The following CYB5RL variants were observed in gnomAD, a reference collection of about 807,000 sequenced individuals.
The protein encoded by CYB5RL is NADH-cytochrome b5 reductase-like.
CYB5RL carries 38 observed loss-of-function variants against 37.5 expected under a neutral mutation model. The ratio of observed to expected loss-of-function variants is 1.01; its 90% CI spans 0.78 to 1.33. The LOEUF is 1.33. Ranked by LOEUF, CYB5RL falls within the 40% of genes most tolerant of loss-of-function variation. The pLI is 0.00. For synonymous variants in CYB5RL, 141 were observed against 151.9 expected (o/e 0.93, Z 0.53); for missense variants, 388 against 394.4 (o/e 0.98, Z 0.14).
rs71066906 is a variant in CYB5RL at position 54,194,004 on chromosome 1, CAATAAT to C, written c.198+1409_198+1414del. Among the ~76,000 whole-genome samples the C allele has an allele frequency of 6.8e-5, 10 of 146,714 alleles. No individual in the cohort carries two copies. The South Asian group carries it at 1.1e-3, about 16-fold the overall frequency. On this transcript the variant is annotated intron_variant, in intron 3 of 7. Coordinates refer to ENST00000534324, the MANE Select transcript of CYB5RL (RefSeq NM_001031672.4). ...AATAATAATAAGTGAGACTCTTCCT[CAATAAT>C]AATAATAATAATAATAATGATAATA...
rs939428390 is a variant in CYB5RL, at chr1:54,175,068, G to A, written c.745-246C>T. ...ACTTCCCTGTGGCACACAATGAGGC[G>A]GGGGCAGCAGCAGGACCAGAACTCA... On this transcript the variant is annotated intron_variant, in intron 7 of 7. Transcript: ENST00000534324. 2.6e-5 allele frequency among the ~76,000 whole-genome samples: 4 copies of A among 151,886 alleles called. No homozygotes were observed. The East Asian group carries it at 5.9e-4, about 22-fold the overall frequency.
intron 3 of CYB5RL, among the ~76,000 whole-genome samples, chr1:54,194,274 G>A (rs1209528795): frequency 6.6e-6 from 1 of 151,992 alleles, no homozygotes; most frequent in East Asian, 1.9e-4. Flanking sequence ...GAAGGCTGAG[G>A]CAGGAGAATC....
At position 54,200,024 on chromosome 1, in the gene CYB5RL, A is replaced by C. The variant is rs1416458047; in HGVS notation, c.-271T>G. On this transcript the variant is annotated 5_prime_UTR_variant, in exon 1 of 8. Coordinates refer to ENST00000534324, the MANE Select transcript of CYB5RL (RefSeq NM_001031672.4). ...CGTGAGGATTTTCCAGGTTCCTCCC[A>C]GTCTCTGGGTAGGCGGGGAGCGCTT... 10 of 554,260 alleles carry C rather than the reference A, an allele frequency of 1.8e-5. No individual in the cohort carries two copies. Among genetic ancestry groups the C allele is most frequent in the South Asian group, 5.1e-5 (2 of 39,226 alleles). 34.3% of individuals were successfully genotyped at this position (554,260 alleles called of 1,614,324 possible).
At chr1:54,183,489 G>T (rs190021904) in intron 6 of CYB5RL, among the ~76,000 whole-genome samples, 24 of 152,292 alleles carry the variant, frequency 1.6e-4, no homozygotes, top group African/African-American at 4.8e-4. Context: ...AGGATGATGA[G>T]GAGAAGAGCC....
chr1:54,199,070 A>AC (rs1414397028), intron 1 of CYB5RL, among the ~76,000 whole-genome samples: 1 of 152,122 alleles, frequency 6.6e-6, no homozygotes, highest in Non-Finnish European at 1.5e-5. Context: ...AAGAGGCACC[A>AC]CCTTTAATCC....
intron 6 of CYB5RL, chr1:54,180,051 A>G (rs766585540): frequency 6.4e-5 from 29 of 451,098 alleles, no homozygotes; most frequent in South Asian, 3.9e-4. Context: ...TTCGAGACCA[A>G]CGTGGCAAAA....
Position 54,195,443 on chromosome 1 carries a change from G to A in CYB5RL, c.174C>T (p.Ser58=), listed in dbSNP as rs751886900. Residue 58 remains serine, a synonymous_variant, in exon 3 of 8, where the codon AGC becomes AGT. Transcript: ENST00000534324. ...CCTGTGACTCTGGCCCACGCAGCAGGCTCCTGTCCTTGCTGGCTTGGGCTG... is the reference window on the plus strand; with the variant it reads ...CCTGTGACTCTGGCCCACGCAGCAGACTCCTGTCCTTGCTGGCTTGGGCTG... ...WEAAQASKDR[S]LLRGPESQSC... 5.0e-6 allele frequency: 8 copies of A among 1,606,392 alleles called. No homozygotes were observed. In the East Asian group the frequency reaches 1.8e-4, roughly 36 times the overall value.
chr1:54,190,978 C>A (rs4927066), intron 3 of CYB5RL, 82 bp from the exon 4 acceptor site: 12 of 1,512,284 alleles, frequency 7.9e-6, no homozygotes, highest in South Asian at 1.3e-5. Context: ...CCACTGTCCC[C>A]AAGGAGAGGC....
chr1:54,187,541 C>T, intron 5 of CYB5RL, 111 bp downstream of exon 5: 1 of 1,027,050 alleles, frequency 9.7e-7, no homozygotes, highest in African/African-American at 1.6e-5. Flanking sequence ...TTGCCTTTGT[C>T]CATGTTGTTC....
chr1:54,194,899 C>G (rs1480287260), intron 3 of CYB5RL, among the ~76,000 whole-genome samples: 4 of 152,180 alleles, frequency 2.6e-5, no homozygotes, highest in Non-Finnish European at 2.9e-5. Flanking sequence ...GTGAACCCTT[C>G]CAAACATTAC....
chr1:54,180,359 A>G, intron 6 of CYB5RL: 1 of 323,510 alleles, frequency 3.1e-6, no homozygotes, highest in Non-Finnish European at 6.0e-6. Context: ...TAATCCCAGC[A>G]CCTTGGGAAG....
chr1:54,199,723 G>A (rs1469722232), intron 1 of CYB5RL, among the ~76,000 whole-genome samples: 1 of 152,208 alleles, frequency 6.6e-6, no homozygotes, highest in Non-Finnish European at 1.5e-5. Flanking sequence ...TGTACAGTGA[G>A]CAGTCACGCT....
intron 5 of CYB5RL, chr1:54,184,760 C>A (rs1203722354): frequency 6.6e-6 from 1 of 152,466 alleles, no homozygotes; most frequent in Non-Finnish European, 1.5e-5. Context: ...GGCACGAAAT[C>A]CATATTTTTA....
intron 6 of CYB5RL, chr1:54,179,903 T>G (rs1206741933): frequency 4.4e-6 from 2 of 453,172 alleles, no homozygotes; most frequent in Non-Finnish European, 8.8e-6. Context: ...AATGAAATAA[T>G]ATGCATAAGC....
At chr1:54,198,056 A>AAAAAAAAAAAAAG (rs1348276688) in intron 1 of CYB5RL, among the ~76,000 whole-genome samples, 1 of 138,542 alleles carries the variant, frequency 7.2e-6, no homozygotes, top group Non-Finnish European at 1.5e-5. Flanking sequence ...AAAAAAAAAA[A>AAAAAAAAAAAAAG]GGGTGGTATC....
At chr1:54,190,240 T>G (rs767998006) in intron 4 of CYB5RL, among the ~76,000 whole-genome samples, 1 of 152,230 alleles carries the variant, frequency 6.6e-6, no homozygotes, top group Non-Finnish European at 1.5e-5. Context: ...GGAGCCAGGC[T>G]GTCTGGGTTT....
At position 54,171,601 on chromosome 1, in the gene CYB5RL, T is replaced by C. The variant is rs1489131115; in HGVS notation, c.*3018A>G. ...GCCTTCCTGAAGCTTGGGATGCATA[T>C]GCACAAAGAGAGCTCTGTGTGGCTC... On this transcript the variant is annotated 3_prime_UTR_variant, in exon 8 of 8. Coordinates refer to ENST00000534324, the MANE Select transcript of CYB5RL (RefSeq NM_001031672.4). 8.0e-6 allele frequency: 3 copies of C among 373,012 alleles called. No individual in the cohort carries two copies. Among genetic ancestry groups the C allele is most frequent in the East Asian group, 7.3e-5 (1 of 13,736 alleles). 23.1% of individuals were successfully genotyped at this position (373,012 alleles called of 1,614,324 possible).
In CYB5RL at chr1:54,195,410, C is replaced by G. The variant is rs1233220337; in HGVS notation, c.198+9G>C. 2 of 1,569,444 alleles carry G rather than the reference C, an allele frequency of 1.3e-6. No homozygotes were observed. The highest frequency in any genetic ancestry group is 2.7e-5 in the African/African-American group (2 of 74,050). On this transcript the variant is annotated intron_variant, in intron 3 of 7. Transcript: ENST00000534324. Reference sequence around the variant, plus strand: ...CCTGGTGCTCATATCGAGAAGCAGCCTCTCTCACCTGTGACTCTGGCCCAC... The same window carrying G: ...CCTGGTGCTCATATCGAGAAGCAGCGTCTCTCACCTGTGACTCTGGCCCAC...
At chr1:54,184,347 G>A (rs201980386) in intron 5 of CYB5RL, 82 bp from the exon 6 acceptor site, 141 of 1,156,558 alleles carry the variant, frequency 1.2e-4, no homozygotes, top group Non-Finnish European at 1.6e-4. Context: ...TGTGGAGCCC[G>A]TTCTGTATGC....
Sources: allele counts gnomAD v4.1 joint callset (sites outside exome capture counted in the v4.1 genomes callset), GRCh38; gene constraint gnomAD v4.1.1; transcripts MANE v1.5; gene names NCBI Gene and HGNC (gene_info 2026-07-23, HGNC 2026-07-21).